The following LPP variants were observed in gnomAD, a reference collection of about 807,000 sequenced individuals.
LPP encodes the protein LIM domain containing preferred translocation partner in lipoma.
LPP carries 38 observed loss-of-function variants against 60.4 expected under a neutral mutation model. That is an observed-to-expected ratio of 0.63 (90% confidence interval 0.49 to 0.83). The LOEUF (loss-of-function observed/expected upper bound fraction) is 0.83, where lower values mean the gene tolerates loss of function less well. LPP is among the 40% of genes least tolerant of loss of function. LPP has a pLI of 0.00. For missense variants in LPP, 902 were observed against 783.6 expected, an observed-to-expected ratio of 1.15 and a Z score of -1.80; for synonymous variants, 328 against 290.8, an observed-to-expected ratio of 1.13 and a Z score of -1.30.
rs765942629 is a variant in LPP at position 188,484,644 on chromosome 3, A to G, written c.246A>G (p.Pro82=). 2.3e-5 allele frequency: 37 copies of G among 1,613,940 alleles called. No homozygotes were observed. In the Admixed American group the frequency reaches 2.3e-4, roughly 10 times the overall value. The change falls in exon 5 of 12, where the codon CCA becomes CCG. Residue 82 remains proline, a synonymous_variant. Transcript: ENST00000617246. ...CTCTAGATGATTCCAGTGCCCTTCC[A>G]TCTATCTCTGGAAACTTTCCTCCTC... ...PPPLDDSSAL[P]SISGNFPPPP... is the part of the protein sequence containing the mutation.
intron 9 of LPP, among the ~76,000 whole-genome samples, chr3:188,826,278 G>A (rs557085665): frequency 2.0e-5 from 3 of 152,258 alleles, no homozygotes; most frequent in Non-Finnish European, 4.4e-5. Context: ...TGGGTGAGGG[G>A]CTAACAAAAT....
chr3:188,356,613 A>G lies in LPP; in HGVS notation c.-10+14894A>G, dbSNP rs186803664. Among the ~76,000 whole-genome samples, 335 of 152,334 alleles carry G rather than the reference A, an allele frequency of 2.2e-3. 1 individual carries two copies. The highest frequency in any genetic ancestry group is 7.6e-3 in the African/African-American group (318 of 41,572). ...TCACTGTCTTAAGTGATCTAGAGTC[A>G]GTGGCTTATTTCCCACAAGGATTCA... is the stretch of plus-strand genomic sequence containing the variant. On this transcript the variant is annotated intron_variant, in intron 3 of 11. Coordinates refer to ENST00000617246, the MANE Select transcript of LPP (RefSeq NM_001375462.1).
At chr3:188,804,110 G>A (rs1246830770) in intron 9 of LPP, among the ~76,000 whole-genome samples, 1 of 150,242 alleles carries the variant, frequency 6.7e-6, no homozygotes, top group African/African-American at 2.4e-5. Context: ...CATTGCTACT[G>A]TATAGATAAG....
chr3:188,289,797 T>C lies in LPP; in HGVS notation c.-66-51866T>C, dbSNP rs1228677086. Among the ~76,000 whole-genome samples the C allele has an allele frequency of 2.0e-5, 3 of 152,212 alleles. No individual in the cohort carries two copies. The East Asian group carries it at 5.8e-4, about 29-fold the overall frequency. ...AATCAGACAGGTGTTCAAACCCTAC[T>C]ATGCTTCTTAGTGTTTGTAAAATCC... is the stretch of plus-strand genomic sequence containing the variant. On this transcript the variant is annotated intron_variant, in intron 2 of 11. Transcript: ENST00000617246.
intron 4 of LPP, among the ~76,000 whole-genome samples, chr3:188,424,957 C>T (rs6775851): frequency 0.6 from 91,521 of 151,960 alleles, 29,814 homozygotes; most frequent in East Asian, 0.99. Flanking sequence ...GCCTGATTGC[C>T]CTGACCAGAA....
At chr3:188,737,601 A>G (rs1722976658) in intron 8 of LPP, among the ~76,000 whole-genome samples, 1 of 152,132 alleles carries the variant, frequency 6.6e-6, no homozygotes, top group Non-Finnish European at 1.5e-5. Flanking sequence ...GGAGGCAGCA[A>G]ATATTCAGTG....
At chr3:188,511,216 C>T (rs1815477040) in intron 5 of LPP, among the ~76,000 whole-genome samples, 1 of 122,208 alleles carries the variant, frequency 8.2e-6, no homozygotes, top group Non-Finnish European at 1.7e-5. Context: ...CCCTTCCTCC[C>T]TTCCTTCCTC....
chr3:188,378,061 C>T (rs900153360), intron 3 of LPP, among the ~76,000 whole-genome samples: 1 of 152,194 alleles, frequency 6.6e-6, no homozygotes, highest in Non-Finnish European at 1.5e-5. Flanking sequence ...GATCATTCCT[C>T]TGGAAGTTTT....
intron 9 of LPP, among the ~76,000 whole-genome samples, chr3:188,850,737 C>T (rs1395095865): frequency 6.6e-6 from 1 of 152,142 alleles, no homozygotes; most frequent in Non-Finnish European, 1.5e-5. Context: ...GGACTGCATT[C>T]ATCTAAAGAG....
chr3:188,527,143 G>C (rs1263591360), intron 6 of LPP, among the ~76,000 whole-genome samples: 3 of 151,848 alleles, frequency 2.0e-5, no homozygotes, highest in African/African-American at 7.3e-5. Flanking sequence ...GTAGAATATA[G>C]GTCTGGGACC....
chr3:188,773,124 A>C (rs951555343), intron 9 of LPP, among the ~76,000 whole-genome samples: 1 of 152,182 alleles, frequency 6.6e-6, no homozygotes, highest in African/African-American at 2.4e-5. Flanking sequence ...TTTGAGTGGA[A>C]GTTCTCTGAT....
rs184836194 is a variant in LPP at position 188,300,364 on chromosome 3, C to T, written c.-66-41299C>T. ...GCACATGCATTTTGAGATTTTGTGA[C>T]GAACGATTGTGACTATTGTTTCCAT... On this transcript the variant is annotated intron_variant, in intron 2 of 11. Transcript: ENST00000617246. 2.2e-3 allele frequency among the ~76,000 whole-genome samples: 336 copies of T among 151,212 alleles called. 2 individuals are homozygous for T. Among genetic ancestry groups the T allele is most frequent in the Non-Finnish European group, 3.0e-3 (206 of 67,942 alleles).
intron 4 of LPP, among the ~76,000 whole-genome samples, chr3:188,453,199 C>T (rs1682291853): frequency 6.6e-6 from 1 of 152,144 alleles, no homozygotes; most frequent in Admixed American, 6.6e-5. Context: ...CCCATCTTTG[C>T]CAACCCTGGC....
chr3:188,825,392 A>G (rs1255180700), intron 9 of LPP, among the ~76,000 whole-genome samples: 1 of 151,410 alleles, frequency 6.6e-6, no homozygotes, highest in African/African-American at 2.4e-5. Flanking sequence ...GAAGGTCCCA[A>G]AGCATTGAGC....
chr3:188,273,130 A>T (rs1252842804), intron 2 of LPP, among the ~76,000 whole-genome samples: 1 of 152,168 alleles, frequency 6.6e-6, no homozygotes, highest in African/African-American at 2.4e-5. Context: ...GGATAAAAAC[A>T]CACAATAACT....
intron 2 of LPP, among the ~76,000 whole-genome samples, chr3:188,294,238 T>C (rs1339151225): frequency 6.6e-6 from 1 of 152,048 alleles, no homozygotes; most frequent in Non-Finnish European, 1.5e-5. Context: ...GAGTTTCTTT[T>C]TGGGATGCTG....
chr3:188,753,782 T>G (rs1267412275), intron 8 of LPP, among the ~76,000 whole-genome samples: 1 of 151,970 alleles, frequency 6.6e-6, no homozygotes, highest in African/African-American at 2.4e-5. Flanking sequence ...TGGGTGTGTG[T>G]GAGTGTGTAT....
Position 188,657,258 on chromosome 3 carries a change from GTATATA to G in LPP, c.1113+47432_1113+47437del, listed in dbSNP as rs148151207. ...ATAAGTTTTCAAGAGCTGTCAAGGTGTATATATATATATATATATATATTTCCAAAA... is the reference window on the plus strand; with the variant it reads ...ATAAGTTTTCAAGAGCTGTCAAGGTGTATATATATATATATATTTCCAAAA... On this transcript the variant is annotated intron_variant, in intron 7 of 11. Transcript: ENST00000617246. 9.5e-3 allele frequency among the ~76,000 whole-genome samples: 854 copies of G among 89,836 alleles called. 26 individuals are homozygous for G. The highest frequency in any genetic ancestry group is 0.032 in the African/African-American group (763 of 24,142). The allele number at this position is 89,836 out of a possible 152,430, so 58.9% of individuals were successfully genotyped here. A position where few individuals can be genotyped will look rare whatever the true frequency, so the allele number is the denominator to read the frequency against.
At chr3:188,195,276 AAAAG>A (rs1460318543) in intron 1 of LPP, among the ~76,000 whole-genome samples, 3 of 148,460 alleles carry the variant, frequency 2.0e-5, no homozygotes, top group African/African-American at 5.1e-5. Context: ...AAAGAAAGAA[AAAAG>A]AAAGAGGCTG....
Sources: gnomAD v4.1 joint callset for allele counts (sites outside exome capture counted in the v4.1 genomes callset) on GRCh38, gnomAD v4.1.1 for gene constraint, MANE v1.5 for transcripts, NCBI Gene and HGNC (gene_info 2026-07-23, HGNC 2026-07-21) for gene names.